CRPPA: variants seen among roughly 807,000 people sequenced by gnomAD.
The protein encoded by CRPPA is D-ribitol-5-phosphate cytidylyltransferase.
In CRPPA, 43 loss-of-function variants were observed where a neutral mutation model predicts 52.0. That is an observed-to-expected ratio of 0.83 (90% CI 0.65 to 1.07). The LOEUF (loss-of-function observed/expected upper bound fraction) is 1.07. Ranked by LOEUF, CRPPA falls within the 50% of genes least tolerant of loss-of-function variation. The pLI is 0.00. For missense variants in CRPPA, 629 were observed against 551.7 expected (o/e 1.14, Z -1.40); for synonymous variants, 250 against 203.5 (o/e 1.23, Z -1.94).
chr7:16,374,715 T>A (rs1342045689), intron 3 of CRPPA, among the ~76,000 whole-genome samples: 4 of 152,124 alleles, frequency 2.6e-5, no homozygotes, highest in Non-Finnish European at 4.4e-5. Flanking sequence ...TCAACTTCAA[T>A]ACCACTAATG....
intron 9 of CRPPA, among the ~76,000 whole-genome samples, chr7:16,161,413 A>C (rs1783302058): frequency 6.6e-6 from 1 of 152,164 alleles, no homozygotes; most frequent in African/African-American, 2.4e-5. Context: ...AATTTTGTCG[A>C]AGGCCTTTTC....
intron 6 of CRPPA, among the ~76,000 whole-genome samples, chr7:16,261,617 G>C (rs535758845): frequency 1.3e-5 from 2 of 151,374 alleles, no homozygotes; most frequent in African/African-American, 2.4e-5. Flanking sequence ...AAGAAAAGCC[G>C]TAACATTTTT....
intron 9 of CRPPA, among the ~76,000 whole-genome samples, chr7:16,169,729 C>A (rs768495124): frequency 6.6e-6 from 1 of 152,220 alleles, no homozygotes; most frequent in Non-Finnish European, 1.5e-5. Flanking sequence ...GTGCCTCTCT[C>A]ATCGACTATA....
chr7:16,302,378 T>C (rs1376792570), intron 4 of CRPPA, among the ~76,000 whole-genome samples: 2 of 151,024 alleles, frequency 1.3e-5, no homozygotes, highest in Non-Finnish European at 2.9e-5. Flanking sequence ...CAACATGGCA[T>C]GTGTCTGTCC....
chr7:16,297,698 G>C (rs917767478), intron 5 of CRPPA, among the ~76,000 whole-genome samples: 2 of 152,172 alleles, frequency 1.3e-5, no homozygotes, highest in African/African-American at 2.4e-5. Flanking sequence ...TCCTGAACTT[G>C]AACTGGCTTA....
At position 16,333,085 on chromosome 7, in the gene CRPPA, G is replaced by T. The variant is rs112968300; in HGVS notation, c.685-24458C>A. Among the ~76,000 whole-genome samples the T allele has an allele frequency of 1.2e-3, 177 of 152,250 alleles. 1 individual carries two copies. Among genetic ancestry groups the T allele is most frequent in the African/African-American group, 4.1e-3 (171 of 41,554 alleles). On this transcript the variant is annotated intron_variant, in intron 3 of 9. Coordinates refer to ENST00000407010, the MANE Select transcript of CRPPA (RefSeq NM_001101426.4). ...AAGAAGACATAATAATCTTCAATGT[G>T]CCTGGACCTAACAAGAGAGGGTGAA...
chr7:16,125,440 C>T (rs1186059477), intron 9 of CRPPA, among the ~76,000 whole-genome samples: 2 of 152,002 alleles, frequency 1.3e-5, no homozygotes, highest in Non-Finnish European at 2.9e-5. Flanking sequence ...TATCTAAAAA[C>T]AGCTTGTTTC....
chr7:16,247,136 G>C (rs1000253337), intron 8 of CRPPA, among the ~76,000 whole-genome samples: 2 of 152,212 alleles, frequency 1.3e-5, no homozygotes, highest in African/African-American at 4.8e-5. Flanking sequence ...GCTTGACCTT[G>C]CACTTTTCTG....
At chr7:16,181,174 T>C (rs918411039) in intron 9 of CRPPA, among the ~76,000 whole-genome samples, 2 of 151,928 alleles carry the variant, frequency 1.3e-5, no homozygotes, top group South Asian at 2.1e-4. Context: ...AACACAACTA[T>C]ACGATTAAAT....
chr7:16,202,417 T>A (rs1390095732), intron 9 of CRPPA, among the ~76,000 whole-genome samples: 1 of 152,186 alleles, frequency 6.6e-6, no homozygotes, highest in African/African-American at 2.4e-5. Flanking sequence ...ATACAGCTTA[T>A]AAGTGTTTGT....
At chr7:16,225,478 T>A (rs543824533) in intron 8 of CRPPA, among the ~76,000 whole-genome samples, 1 of 151,970 alleles carries the variant, frequency 6.6e-6, no homozygotes, top group South Asian at 2.1e-4. Context: ...AAGCATTGAT[T>A]TGTTTAGCTA....
intron 9 of CRPPA, among the ~76,000 whole-genome samples, chr7:16,148,983 C>T (rs1583390832): frequency 3.9e-5 from 6 of 152,158 alleles, no homozygotes; most frequent in South Asian, 4.2e-4. Context: ...AAAACCTCCA[C>T]AAAAACTTAC....
intron 2 of CRPPA, among the ~76,000 whole-genome samples, chr7:16,403,583 ACTAT>A (rs887215755): frequency 3.3e-5 from 5 of 152,160 alleles, no homozygotes; most frequent in Admixed American, 2.0e-4. Context: ...TCTGTAGAAA[ACTAT>A]CTAAGACAAC....
chr7:16,338,355 A>G (rs1461348232), intron 3 of CRPPA, among the ~76,000 whole-genome samples: 1 of 152,200 alleles, frequency 6.6e-6, no homozygotes, highest in African/African-American at 2.4e-5. Context: ...TAAAAACTCA[A>G]TGGTTTAGGT....
At chr7:16,367,075 C>A (rs1048933130) in intron 3 of CRPPA, among the ~76,000 whole-genome samples, 39 of 152,276 alleles carry the variant, frequency 2.6e-4, no homozygotes, top group African/African-American at 8.9e-4. Flanking sequence ...CTACTCATTT[C>A]TCTTTATAAA....
At chr7:16,207,350 C>G (rs1781997615) in intron 9 of CRPPA, among the ~76,000 whole-genome samples, 2 of 152,148 alleles carry the variant, frequency 1.3e-5, no homozygotes, top group Admixed American at 1.3e-4. Context: ...CTTAGAATGT[C>G]AAATCTTTAA....
rs552342958 is a variant in CRPPA, at chr7:16,261,413, T to C, written c.934-2401A>G. Among the ~76,000 whole-genome samples the C allele has an allele frequency of 3.3e-5, 5 of 152,210 alleles. No individual in the cohort carries two copies. In the South Asian group the frequency reaches 1.0e-3, roughly 32 times the overall value. On this transcript the variant is annotated intron_variant, in intron 6 of 9. Coordinates refer to ENST00000407010, the MANE Select transcript of CRPPA (RefSeq NM_001101426.4). ...CTACCCATAGTCTAGGTCTGGTCAA[T>C]CATGCTGTTTTAAATCTAAAACGTT...
intron 3 of CRPPA, among the ~76,000 whole-genome samples, chr7:16,317,976 C>A (rs28635371): frequency 1.5e-3 from 224 of 152,272 alleles, no homozygotes; most frequent in African/African-American, 5.2e-3. Flanking sequence ...TTCACTTGAA[C>A]AACTGGTTTA....
At position 16,258,937 on chromosome 7, in the gene CRPPA, T is replaced by C; in HGVS notation, c.1009A>G (p.Asn337Asp). 6.2e-7 allele frequency: 1 copy of C among 1,609,486 alleles called. No homozygotes were observed. The highest frequency in any genetic ancestry group is 2.2e-5 in the East Asian group (1 of 44,736). The change falls in exon 7 of 10, where the codon AAT becomes GAT. Residue 337 changes from asparagine (N) to aspartate (D), a missense_variant. Physicochemically the swap from Asn to Asp is conservative, Grantham distance 23. Coordinates refer to ENST00000407010, the MANE Select transcript of CRPPA (RefSeq NM_001101426.4). ...TGACTTACATTCACACAAACAAAAT[T>C]GTAGCATTGATCTAAGATGATTTGC... ...LQQIILDQCY[N>D]FVCVNVTTSD...
Sources: gnomAD v4.1 joint callset for allele counts (sites outside exome capture counted in the v4.1 genomes callset) on GRCh38, gnomAD v4.1.1 for gene constraint, MANE v1.5 for transcripts, NCBI Gene and HGNC (gene_info 2026-07-23, HGNC 2026-07-21) for gene names.